PRDM14: variants seen among roughly 807,000 people sequenced by gnomAD.
The protein encoded by PRDM14 is PR/SET domain 14.
PRDM14 carries 16 observed loss-of-function variants against 48.0 expected under a neutral mutation model. The observed-to-expected ratio is 0.33, with a 90% confidence interval of 0.23 to 0.51. PRDM14 has a LOEUF of 0.51. PRDM14 is among the 20% of genes least tolerant of loss of function. PRDM14 has a pLI of 0.97. For synonymous variants in PRDM14, 264 were observed against 276.6 expected, an observed-to-expected ratio of 0.95 and a Z score of 0.45; for missense variants, 566 against 719.6, an observed-to-expected ratio of 0.79 and a Z score of 2.44.
intron 5 of PRDM14, among the ~76,000 whole-genome samples, chr8:70,061,864 C>T (rs946399060): frequency 6.6e-6 from 1 of 152,144 alleles, no homozygotes; most frequent in Non-Finnish European, 1.5e-5. Context: ...CCCTCTCTCC[C>T]TCACAAGAGG....
At chr8:70,062,014 T>C (rs1245405670) in intron 5 of PRDM14, among the ~76,000 whole-genome samples, 1 of 152,236 alleles carries the variant, frequency 6.6e-6, no homozygotes, top group Non-Finnish European at 1.5e-5. Flanking sequence ...CATTTGAGAA[T>C]GCAATGGAAT....
At chr8:70,060,093 CAAA>C (rs58440571) in intron 5 of PRDM14, among the ~76,000 whole-genome samples, 5 of 102,608 alleles carry the variant, frequency 4.9e-5, no homozygotes, top group African/African-American at 1.2e-4. Flanking sequence ...AACTCCATCT[CAAA>C]AAAAAAAAAA....
At chr8:70,054,489 G>C (rs1270910133) in intron 7 of PRDM14, among the ~76,000 whole-genome samples, 1 of 149,296 alleles carries the variant, frequency 6.7e-6, no homozygotes, top group East Asian at 2.0e-4. Flanking sequence ...GGCCATGTTT[G>C]TGTTCTTAAA....
At position 70,068,313 on chromosome 8, in the gene PRDM14, C is replaced by T. The variant is rs1375923602; in HGVS notation, c.829G>A (p.Gly277Arg). ...GVFCSSFIAKGVRFGPFQGKV... is the reference protein window; with the variant it reads ...GVFCSSFIAKRVRFGPFQGKV... Reference sequence around the variant, plus strand: ...CCTTGAAAGGGCCCAAACCTGACTCCTTTGGCGATAAAACTACTGCAGAAC... The same window carrying T: ...CCTTGAAAGGGCCCAAACCTGACTCTTTTGGCGATAAAACTACTGCAGAAC... The change falls in exon 4 of 8, where the codon GGA (glycine) becomes AGA (arginine). Residue 277 changes from glycine (G) to arginine (R), a missense_variant. Transcript: ENST00000276594. 6.2e-7 allele frequency: 1 copy of T among 1,614,230 alleles called. No individual in the cohort carries two copies. The highest frequency in any genetic ancestry group is 1.7e-5 in the Admixed American group (1 of 60,024).
chr8:70,054,396 A>G (rs550845799), intron 7 of PRDM14, among the ~76,000 whole-genome samples: 11 of 152,126 alleles, frequency 7.2e-5, no homozygotes, highest in Non-Finnish European at 1.5e-4. Flanking sequence ...TCCCCAGTTT[A>G]TCAATGTGGA....
intron 7 of PRDM14, 52 bp from the exon 8 acceptor site, chr8:70,052,356 G>A: frequency 7.0e-7 from 1 of 1,433,942 alleles, no homozygotes; most frequent in Non-Finnish European, 9.6e-7. Context: ...TCCACGAGCT[G>A]GACAACCAAT....
rs763417935 is a variant in PRDM14, at chr8:70,052,138, C to G, written c.1655G>C (p.Gly552Ala). 1 of 1,612,990 alleles carries G rather than the reference C, an allele frequency of 6.2e-7. No individual in the cohort carries two copies. The highest frequency in any genetic ancestry group is 1.1e-5 in the South Asian group (1 of 90,962). The change falls in exon 8 of 8, where the codon GGG becomes GCG. Residue 552 changes from glycine to alanine, a missense_variant. Coordinates refer to ENST00000276594, the MANE Select transcript of PRDM14 (RefSeq NM_024504.4). ...TGTTTCTTGATCTGAGAAGATTTTC[C>G]CACAGATGCTGCATGAGCAGCCATC... is the stretch of plus-strand genomic sequence containing the variant. ...EDDGCSCSIC[G>A]KIFSDQETFY...
chr8:70,067,198 G>T (rs6994178), intron 4 of PRDM14, among the ~76,000 whole-genome samples: 17,321 of 152,118 alleles, frequency 0.11, 1,680 homozygotes, highest in East Asian at 0.34. Flanking sequence ...TCCCAGTTAG[G>T]TTTCATGCAT....
Position 70,069,405 on chromosome 8 carries a change from C to A in PRDM14, c.456G>T (p.Pro152=). ...GTAACAGAGAAGCATCCGCAGGGGG[C>A]GGTGGAATTAAAGTGTCAGGTCCAC... The part of the protein sequence containing the change: ...PCCGPDTLIP[P]PPADASLLPE... Residue 152 remains proline (P), a synonymous_variant, in exon 2 of 8, where the codon CCG becomes CCT. Transcript: ENST00000276594. 2 of 1,606,636 alleles carry A rather than the reference C, an allele frequency of 1.2e-6. No individual in the cohort carries two copies. Among genetic ancestry groups the A allele is most frequent in the Non-Finnish European group, 1.7e-6 (2 of 1,176,240 alleles).
In PRDM14 at chr8:70,066,362, G is replaced by A. The variant is rs1563442151; in HGVS notation, c.1056C>T (p.Ser352=). The A allele has an allele frequency of 6.2e-7, 1 of 1,614,154 alleles. No homozygotes were observed. Among genetic ancestry groups the A allele is most frequent in the Non-Finnish European group, 8.5e-7 (1 of 1,180,032 alleles). Residue 352 remains serine, a synonymous_variant, in exon 5 of 8, where the codon AGC becomes AGT. Transcript: ENST00000276594. ...VQCQGHIFYE[S]CKEIHQNQEL... ...CTTGGTTCTGATGGATCTCTTTGCA[G>A]CTCTCATAAAATATATGCCCTTGAC... is the stretch of plus-strand genomic sequence containing the variant.
At chr8:70,070,487 C>G (rs1238491966) in intron 1 of PRDM14, among the ~76,000 whole-genome samples, 1 of 152,004 alleles carries the variant, frequency 6.6e-6, no homozygotes, top group East Asian at 1.9e-4. Context: ...CCAGGGACCC[C>G]GCGACCTGCT....
intron 5 of PRDM14, among the ~76,000 whole-genome samples, chr8:70,059,769 C>T (rs192165345): frequency 2.6e-5 from 4 of 152,206 alleles, no homozygotes; most frequent in East Asian, 1.9e-4. Flanking sequence ...AACATCTAAC[C>T]GTAATCTTTA....
rs1378109421 is a variant in PRDM14 at position 70,058,844 on chromosome 8, T to C, written c.1184-2A>G. 1 of 1,611,622 alleles carries C rather than the reference T, an allele frequency of 6.2e-7. No individual in the cohort carries two copies. Among genetic ancestry groups the C allele is most frequent in the South Asian group, 1.1e-5 (1 of 91,004 alleles). ...CACATCTGTAGCCTTCTGCAGACTC[T>C]GTCAAACACAGCAAACACAATGTCT... On this transcript the variant is annotated splice_acceptor_variant, in intron 5 of 7. Transcript: ENST00000276594. LOFTEE classifies it high-confidence loss of function.
intron 7 of PRDM14, among the ~76,000 whole-genome samples, chr8:70,052,993 GA>G (rs1805413869): frequency 6.7e-6 from 1 of 149,608 alleles, no homozygotes; most frequent in Admixed American, 6.8e-5. Context: ...CAGCTATTTG[GA>G]AAGCTGAGGT....
chr8:70,070,763 G>T (rs1805753185), intron 1 of PRDM14, among the ~76,000 whole-genome samples: 1 of 152,196 alleles, frequency 6.6e-6, no homozygotes, highest in Non-Finnish European at 1.5e-5. Context: ...TCCCGCCCCC[G>T]CACCGCCGGG....
Position 70,068,189 on chromosome 8 carries a change from C to G in PRDM14, c.912+41G>C, listed in dbSNP as rs1199595396. ...CCAAGATTTCCCCGGACTAGTCTCC[C>G]GCCCCATTTTCAGCAGCAGACCCAC... is the stretch of plus-strand genomic sequence containing the variant. On this transcript the variant is annotated intron_variant, in intron 4 of 7. Transcript: ENST00000276594. The G allele has an allele frequency of 2.5e-6, 4 of 1,610,774 alleles. No individual in the cohort carries two copies. The East Asian group carries it at 6.7e-5, about 27-fold the overall frequency.
In PRDM14 at chr8:70,069,683, C is replaced by T; in HGVS notation, c.178G>A (p.Ala60Thr). 6.4e-7 allele frequency: 1 copy of T among 1,552,322 alleles called. No homozygotes were observed. The highest frequency in any genetic ancestry group is 8.7e-7 in the Non-Finnish European group (1 of 1,149,080). Residue 60 changes from alanine (A) to threonine (T), a missense_variant, in exon 2 of 8, where the codon GCG (alanine) becomes ACG (threonine). This residue lies in a region of PRDM14 where 410 missense variants were observed against 424.6 expected (regional missense o/e 0.97). Coordinates refer to ENST00000276594, the MANE Select transcript of PRDM14 (RefSeq NM_024504.4). ...GGGGGCATGGCGGGGGCAGCAGACG[C>T]TGCGGCCTCCAGCTGCCGGAAAGGT... Reference protein sequence around the residue: ...FQPFRQLEAAASAAPAMPPFP... With the variant: ...FQPFRQLEAATSAAPAMPPFP...
At position 70,068,238 on chromosome 8, in the gene PRDM14, T is replaced by A. The variant is rs749549742; in HGVS notation, c.904A>T (p.Met302Leu). The A allele has an allele frequency of 6.2e-7, 1 of 1,614,206 alleles. No individual in the cohort carries two copies. The highest frequency in any genetic ancestry group is 1.1e-5 in the South Asian group (1 of 91,084). ...ACCAGAAACAGATTTACCTCCCACA[T>A]CACAGAATTGTCTCCGTAGGTCTTC... ...EVKTYGDNSV[M>L]WEIFEDGHLS... Residue 302 changes from methionine to leucine, a missense_variant, in exon 4 of 8, where the codon ATG becomes TTG. This residue lies in a region of PRDM14 where 410 missense variants were observed against 424.6 expected (regional missense o/e 0.97). Transcript: ENST00000276594.
intron 5 of PRDM14, among the ~76,000 whole-genome samples, chr8:70,065,332 A>G (rs1805649958): frequency 6.6e-6 from 1 of 152,102 alleles, no homozygotes; most frequent in African/African-American, 2.4e-5. Context: ...AGGAATTTAC[A>G]TTTATCTTGT....
Sources: gnomAD v4.1 joint callset for allele counts (sites outside exome capture counted in the v4.1 genomes callset) on GRCh38, gnomAD v4.1.1 for gene constraint, gnomAD v4.1.1 regional missense constraint, MANE v1.5 for transcripts, NCBI Gene and HGNC (gene_info 2026-07-23, HGNC 2026-07-21) for gene names.